HSPA12A: variants seen among roughly 807,000 people sequenced by gnomAD.
HSPA12A encodes heat shock 70 kDa protein 12A.
In HSPA12A, 28 loss-of-function variants were observed where a neutral mutation model predicts 69.2. The ratio of observed to expected loss-of-function variants is 0.40; its 90% CI spans 0.30 to 0.55. The LOEUF is 0.55. Among genes scored for constraint, HSPA12A ranks in the 20% least tolerant of loss-of-function variants. The pLI is 0.38. For missense variants in HSPA12A, 686 were observed against 900.7 expected, an observed-to-expected ratio of 0.76 and a Z score of 3.05; for synonymous variants, 345 against 370.5, an observed-to-expected ratio of 0.93 and a Z score of 0.79.
At chr10:116,731,362 T>C (rs1479365640) in intron 1 of HSPA12A, among the ~76,000 whole-genome samples, 2 of 152,170 alleles carry the variant, frequency 1.3e-5, no homozygotes, top group African/African-American at 4.8e-5. Context: ...GTGACTCAGA[T>C]GAATGATGCA....
rs150182184 is a variant in HSPA12A, at chr10:116,758,827, A to G, written c.92-51542T>C. 5.7e-3 allele frequency among the ~76,000 whole-genome samples: 862 copies of G among 152,224 alleles called. 11 individuals carry two copies. The highest frequency in any genetic ancestry group is 0.02 in the African/African-American group (819 of 41,528). ...AAAACCAAGGAAATAAAGAGTGTGG[A>G]CTCAGATGAGTAGAAAATAGAAAAG... On this transcript the variant is annotated intron_variant, in intron 2 of 12. Coordinates refer to the HSPA12A transcript ENST00000635765.
intron 2 of HSPA12A, among the ~76,000 whole-genome samples, chr10:116,756,150 T>C (rs1377347727): frequency 1.3e-5 from 2 of 152,180 alleles, no homozygotes; most frequent in Admixed American, 6.5e-5. Flanking sequence ...CATTTCCAGG[T>C]TTCCCTTAAG....
At chr10:116,676,908 A>C (rs1167855112) in intron 10 of HSPA12A, among the ~76,000 whole-genome samples, 1 of 152,222 alleles carries the variant, frequency 6.6e-6, no homozygotes, top group Non-Finnish European at 1.5e-5. Flanking sequence ...GTGTGCGCTC[A>C]GGTGCATGTC....
chr10:116,847,743 CA>C (rs2133230480), intron 1 of HSPA12A, among the ~76,000 whole-genome samples: 1 of 152,290 alleles, frequency 6.6e-6, no homozygotes, highest in East Asian at 1.9e-4. Context: ...GCGAACAAGA[CA>C]AATCAAGTCG....
chr10:116,709,216 G>A (rs188533934), intron 1 of HSPA12A, among the ~76,000 whole-genome samples: 29 of 152,224 alleles, frequency 1.9e-4, no homozygotes, highest in Non-Finnish European at 3.1e-4. Context: ...GGAGGCCAAG[G>A]TGGGCAGATC....
Position 116,691,444 on chromosome 10 carries a change from G to T in HSPA12A, c.663+907C>A, listed in dbSNP as rs146280120. On this transcript the variant is annotated intron_variant, in intron 6 of 11. Coordinates refer to ENST00000369209, the MANE Select transcript of HSPA12A (RefSeq NM_025015.3). The stretch of plus-strand genomic sequence containing the variant: ...TACGTCTCCTGGGAAAGGTGGGCAG[G>T]ATGCTTCCTGAGAGTCATGACAGTG... Among the ~76,000 whole-genome samples, 437 of 152,268 alleles carry T rather than the reference G, an allele frequency of 2.9e-3. 3 individuals are homozygous for T. Among genetic ancestry groups the T allele is most frequent in the African/African-American group, 0.01 (421 of 41,550 alleles).
chr10:116,766,914 C>G lies in HSPA12A; in HGVS notation c.92-59629G>C, dbSNP rs376676089. Among the ~76,000 whole-genome samples the G allele has an allele frequency of 1.6e-4, 25 of 152,322 alleles. No homozygotes were observed. The East Asian group carries it at 4.8e-3, about 29-fold the overall frequency. ...GGCCCCCAGGGAACTGCTGGGTTTG[C>G]GTCCACCAGTCGACCCCAAAAAGAT... On this transcript the variant is annotated intron_variant, in intron 2 of 12. Coordinates refer to the HSPA12A transcript ENST00000635765.
At position 116,675,033 on chromosome 10, in the gene HSPA12A, C is replaced by A. The variant is rs1355627258; in HGVS notation, c.1776G>T (p.Lys592Asn). 4 of 1,614,052 alleles carry A rather than the reference C, an allele frequency of 2.5e-6. No individual in the cohort carries two copies. In the South Asian group the frequency reaches 4.4e-5, roughly 18 times the overall value. ...ELVKRSYTPAKPSQLVIVINI... is the reference protein window; with the variant it reads ...ELVKRSYTPANPSQLVIVINI... ...TGATGACAATGACCAGCTGGGAGGG[C>A]TTGGCCGGGGTGTAGCTACGCTTGA... Residue 592 changes from lysine to asparagine, a missense_variant, in exon 12 of 12, where the codon AAG (lysine) becomes AAT (asparagine). Coordinates refer to ENST00000369209, the MANE Select transcript of HSPA12A (RefSeq NM_025015.3). The surrounding 1 kb of genome is among the most constrained non-coding windows in gnomAD (Gnocchi z 5.2).
At chr10:116,696,004 A>AAAAAAAAAAAAAAAAAAC (rs1849889798) in intron 5 of HSPA12A, among the ~76,000 whole-genome samples, 1 of 141,226 alleles carries the variant, frequency 7.1e-6, no homozygotes, top group Non-Finnish European at 1.5e-5. Flanking sequence ...CTCCATCTCA[A>AAAAAAAAAAAAAAAAAAC]AAAAAAAAAA....
chr10:116,842,544 G>A (rs1845818059), intron 1 of HSPA12A, among the ~76,000 whole-genome samples: 1 of 152,190 alleles, frequency 6.6e-6, no homozygotes. Context: ...GCTTTAAGCT[G>A]TGGCTACTTC....
At chr10:116,676,350 C>T in intron 11 of HSPA12A, 49 bp downstream of exon 11, 6 of 1,464,814 alleles carry the variant, frequency 4.1e-6, no homozygotes, top group Non-Finnish European at 5.7e-6. Flanking sequence ...AAGCCCATCC[C>T]CTTTCTCAGC....
intron 1 of HSPA12A, chr10:116,849,386 A>G: frequency 1.3e-6 from 1 of 768,804 alleles, no homozygotes; most frequent in Non-Finnish European, 1.8e-6. Context: ...GAAAAGACAG[A>G]GCAGCGAGCG....
At chr10:116,817,137 A>AT (rs1028038665) in intron 2 of HSPA12A, among the ~76,000 whole-genome samples, 1 of 151,934 alleles carries the variant, frequency 6.6e-6, no homozygotes, top group African/African-American at 2.4e-5. Flanking sequence ...CATATTTATT[A>AT]TTTTTTTGTT....
At chr10:116,804,009 C>G (rs1384058695) in intron 2 of HSPA12A, among the ~76,000 whole-genome samples, 1 of 152,056 alleles carries the variant, frequency 6.6e-6, no homozygotes, top group African/African-American at 2.4e-5. Flanking sequence ...GAGAATCTCC[C>G]CTTAGCCCCT....
chr10:116,745,867 C>A (rs1185198852), upstream of HSPA12A, among the ~76,000 whole-genome samples: 1 of 152,070 alleles, frequency 6.6e-6, no homozygotes, highest in East Asian at 1.9e-4. Context: ...TATTGTTAAC[C>A]CCATTGTACA....
At chr10:116,762,111 G>T (rs1843985822) in intron 2 of HSPA12A, among the ~76,000 whole-genome samples, 1 of 152,188 alleles carries the variant, frequency 6.6e-6, no homozygotes, top group African/African-American at 2.4e-5. Context: ...ATACAGCGTG[G>T]CCCTTGTCCT....
At chr10:116,705,919 G>A (rs1170885691) in intron 2 of HSPA12A, among the ~76,000 whole-genome samples, 8 of 130,686 alleles carry the variant, frequency 6.1e-5, no homozygotes, top group Non-Finnish European at 9.4e-5. Flanking sequence ...TTTTTGAGAC[G>A]GAGTCTCGCT....
At chr10:116,714,265 G>T (rs1850540680) in intron 1 of HSPA12A, among the ~76,000 whole-genome samples, 1 of 152,092 alleles carries the variant, frequency 6.6e-6, no homozygotes, top group Non-Finnish European at 1.5e-5. Flanking sequence ...TCTTGAGTTG[G>T]ATATTAGTAA....
intron 2 of HSPA12A, among the ~76,000 whole-genome samples, chr10:116,811,845 G>T (rs74319574): frequency 0.01 from 1,531 of 152,288 alleles, 20 homozygotes; most frequent in African/African-American, 0.032. Context: ...TTAAAACATG[G>T]GAAGGGATTC....
Sources: gnomAD v4.1 joint callset for allele counts (sites outside exome capture counted in the v4.1 genomes callset) on GRCh38, gnomAD v4.1.1 for gene constraint, Gnocchi (gnomAD v3.1) non-coding constraint, MANE v1.5 for transcripts, NCBI Gene and HGNC (gene_info 2026-07-23, HGNC 2026-07-21) for gene names.